Variants in SETX observed in about 807,000 individuals in gnomAD.
The protein encoded by SETX is helicase senataxin.
SETX carries 90 observed loss-of-function variants against 227.2 expected under a neutral mutation model. The observed-to-expected ratio is 0.40, with a 90% CI of 0.33 to 0.47. The LOEUF is 0.47. Among genes scored for constraint, SETX ranks in the 20% least tolerant of loss-of-function variants. The probability of loss-of-function intolerance (pLI) is 0.91; values close to 1 mark genes in which losing one functional copy is unlikely to be tolerated. For missense variants in SETX, 3,052 were observed against 3,181.5 expected (o/e 0.96, Z 0.98); for synonymous variants, 1,210 against 1,113.2 (o/e 1.09, Z -1.73).
Position 132,326,763 on chromosome 9 carries a change from T to A in SETX, c.4835A>T (p.Lys1612Ile), listed in dbSNP as rs773259680. ...AAGTGCTGAAGAAGTTTCCAAAGAT[T>A]TAGAAAGACCAGCAATTCGTGAAGT... ...KSTSRIAGLS[K>I]SLETSSALSP... is the part of the protein sequence containing the mutation. The change falls in exon 10 of 26, where the codon AAA becomes ATA. Residue 1612 changes from lysine (K) to isoleucine (I), a missense_variant. This residue lies in a region of SETX where 1,483 missense variants were observed against 1,312.0 expected (regional missense o/e 1.13). Coordinates refer to ENST00000224140, the MANE Select transcript of SETX (RefSeq NM_015046.7). The A allele has an allele frequency of 1.2e-6, 2 of 1,614,098 alleles. No individual in the cohort carries two copies. Among genetic ancestry groups the A allele is most frequent in the Admixed American group, 3.3e-5 (2 of 60,008 alleles).
chr9:132,264,692 A>G lies in SETX; in HGVS notation c.7581T>C (p.Pro2527=). The G allele has an allele frequency of 6.2e-7, 1 of 1,614,228 alleles. No homozygotes were observed. The highest frequency in any genetic ancestry group is 8.5e-7 in the Non-Finnish European group (1 of 1,180,040). Reference sequence around the variant, plus strand: ...GTTGGTCATGAACAGGAGGTCTTTCAGGGTCCTTTGAAGTAACAGTAAGAG... The same window carrying G: ...GTTGGTCATGAACAGGAGGTCTTTCGGGGTCCTTTGAAGTAACAGTAAGAG... ...EITLTVTSKD[P]ERPPVHDQLQ... The change falls in exon 26 of 26, where the codon CCT becomes CCC. Residue 2527 remains proline (P), a synonymous_variant. Coordinates refer to ENST00000224140, the MANE Select transcript of SETX (RefSeq NM_015046.7).
chr9:132,280,975 C>T (rs3780823), intron 20 of SETX, among the ~76,000 whole-genome samples: 24,682 of 152,130 alleles, frequency 0.16, 2,066 homozygotes, highest in East Asian at 0.28. Flanking sequence ...TGTATTAACA[C>T]TAGAATACCA....
At chr9:132,344,348 G>A (rs1848169649) in intron 4 of SETX, among the ~76,000 whole-genome samples, 2 of 152,044 alleles carry the variant, frequency 1.3e-5, no homozygotes, top group Admixed American at 1.3e-4. Flanking sequence ...TGAGTACCTA[G>A]GAATACAGGC....
At chr9:132,355,332 C>A (rs1848857986), upstream of SETX, among the ~76,000 whole-genome samples, 1 of 151,704 alleles carries the variant, frequency 6.6e-6, no homozygotes, top group African/African-American at 2.4e-5. Flanking sequence ...CTGGCCATTT[C>A]CGTTCCCTCT....
chr9:132,286,536 C>T (rs1213503736), intron 17 of SETX, 42 bp from the exon 18 acceptor site: 2 of 1,424,704 alleles, frequency 1.4e-6, no homozygotes, highest in South Asian at 2.3e-5. Flanking sequence ...CTAAACTAAG[C>T]ATTTTTAAAT....
At position 132,264,649 on chromosome 9, in the gene SETX, G is replaced by T; in HGVS notation, c.7624C>A (p.Leu2542Met). The change falls in exon 26 of 26, where the codon CTG becomes ATG. Residue 2542 changes from leucine (L) to methionine (M), a missense_variant. Around this residue, in one of 10 missense-constraint regions of SETX, gnomAD observed 294 missense variants for 278.8 expected, o/e 1.05. Coordinates refer to ENST00000224140, the MANE Select transcript of SETX (RefSeq NM_015046.7). ...TTGACCTCAATGCCCATCCTCTTCA[G>T]CAGTCGTGGGTCCTGAAGTTGGTCA... ...VHDQLQDPRL[L>M]KRMGIEVKGG... The T allele has an allele frequency of 6.2e-7, 1 of 1,614,226 alleles. No homozygotes were observed. Among genetic ancestry groups the T allele is most frequent in the Non-Finnish European group, 8.5e-7 (1 of 1,180,050 alleles).
intron 11 of SETX, among the ~76,000 whole-genome samples, chr9:132,304,164 C>T (rs1017448576): frequency 7.2e-5 from 11 of 152,132 alleles, no homozygotes; most frequent in Admixed American, 1.3e-4. Context: ...AAGGGTAAGA[C>T]GAGCTCAAGT....
At chr9:132,335,537 G>C (rs562728744) in intron 6 of SETX, among the ~76,000 whole-genome samples, 1 of 150,680 alleles carries the variant, frequency 6.6e-6, no homozygotes, top group East Asian at 1.9e-4. Context: ...GAGTGCAGTA[G>C]CACAATCCTA....
At position 132,264,514 on chromosome 9, in the gene SETX, T is replaced by A; in HGVS notation, c.7759A>T (p.Ile2587Leu). ...FPVVHQDLSH[I>L]QQPAAVVAAL... ...GCCACTACAGCAGCGGGCTGCTGTA[T>A]ATGGCTCAGGTCCTGGTGAACGACA... Residue 2587 changes from isoleucine to leucine, a missense_variant, in exon 26 of 26, where the codon ATA becomes TTA. Physicochemically the swap from Ile to Leu is conservative, Grantham distance 5 (BLOSUM62 2). Coordinates refer to ENST00000224140, the MANE Select transcript of SETX (RefSeq NM_015046.7). 6.2e-7 allele frequency: 1 copy of A among 1,613,728 alleles called. No individual in the cohort carries two copies. The highest frequency in any genetic ancestry group is 8.5e-7 in the Non-Finnish European group (1 of 1,179,884).
chr9:132,354,517 AAG>A (rs1848792683), intron 1 of SETX, among the ~76,000 whole-genome samples: 2 of 151,572 alleles, frequency 1.3e-5, no homozygotes, highest in Admixed American at 6.6e-5. Context: ...AAAAAGAAAA[AAG>A]AAAAAAAAAC....
chr9:132,307,055 G>A (rs1845375969), intron 11 of SETX, among the ~76,000 whole-genome samples: 1 of 152,198 alleles, frequency 6.6e-6, no homozygotes, highest in African/African-American at 2.4e-5. Context: ...AGAAGTTCAA[G>A]ACCAGCCTGG....
In SETX at chr9:132,334,796, A is replaced by C. The variant is rs1270978262; in HGVS notation, c.719-69T>G. 3 of 1,547,342 alleles carry C rather than the reference A, an allele frequency of 1.9e-6. No homozygotes were observed. The African/African-American group carries it at 4.1e-5, about 21-fold the overall frequency. On this transcript the variant is annotated intron_variant, in intron 6 of 25. Coordinates refer to ENST00000224140, the MANE Select transcript of SETX (RefSeq NM_015046.7). ...TATACTAATGCCTGGTTTAGTTTGC[A>C]AAAGAATAACAAGGCAGGAAGATGA...
chr9:132,315,617 C>G lies in SETX; in HGVS notation c.5275-3761G>C, dbSNP rs1447876065. 2.0e-5 allele frequency among the ~76,000 whole-genome samples: 3 copies of G among 152,182 alleles called. No homozygotes were observed. In the East Asian group the frequency reaches 5.8e-4, roughly 29 times the overall value. ...GTGCCCCCTTTTTCCTGCTCCCAAT[C>G]AATATGTATGTTTTCAAAACACTCC... On this transcript the variant is annotated intron_variant, in intron 10 of 25. Coordinates refer to ENST00000224140, the MANE Select transcript of SETX (RefSeq NM_015046.7).
rs1345693255 is a variant in SETX, at chr9:132,300,645, G to A, written c.5533C>T (p.Arg1845Cys). The A allele has an allele frequency of 3.1e-6, 5 of 1,613,514 alleles. No homozygotes were observed. The highest frequency in any genetic ancestry group is 1.1e-5 in the South Asian group (1 of 91,074). The change falls in exon 12 of 26, where the codon CGC (arginine) becomes TGC (cysteine). Residue 1845 changes from arginine (R) to cysteine (C), a missense_variant. By Grantham distance (180) the Arg-to-Cys change is radical. Coordinates refer to ENST00000224140, the MANE Select transcript of SETX (RefSeq NM_015046.7). ...EYHSGYVHKF[R>C]RTSVMRNGKT... ...ATTTACTTACTGACTGACGTGCGGC[G>A]AAATTTATGAACATAACCAGAATGA...
At position 132,281,472 on chromosome 9, in the gene SETX, A is replaced by C. The variant is rs1454145729; in HGVS notation, c.6649T>G (p.Ser2217Ala). ...TCTGAACATAAAAAACTTACCATAG[A>C]GATGACTGTCGGAGGGAGCTGCTTA... The part of the protein sequence containing the change: ...DPKQLPPTVI[S>A]MKAQEYGYDQ... The change falls in exon 20 of 26, where the codon TCT becomes GCT. Residue 2217 changes from serine to alanine, a missense_variant. Physicochemically the swap from Ser to Ala is moderately conservative, Grantham distance 99. Around this residue, in one of 10 missense-constraint regions of SETX, gnomAD observed 412 missense variants for 589.0 expected, o/e 0.70. Transcript: ENST00000224140. 1 of 1,610,994 alleles carries C rather than the reference A, an allele frequency of 6.2e-7. No homozygotes were observed. Among genetic ancestry groups the C allele is most frequent in the South Asian group, 1.1e-5 (1 of 91,014 alleles).
At chr9:132,278,614 C>A (rs907028345) in intron 20 of SETX, among the ~76,000 whole-genome samples, 1 of 151,880 alleles carries the variant, frequency 6.6e-6, no homozygotes, top group Non-Finnish European at 1.5e-5. Context: ...AGCCACCACA[C>A]CTGGCCAAAA....
chr9:132,268,941 C>T (rs1269630664), intron 25 of SETX, among the ~76,000 whole-genome samples: 1 of 152,124 alleles, frequency 6.6e-6, no homozygotes, highest in Non-Finnish European at 1.5e-5. Flanking sequence ...GAACCAAAAC[C>T]AGGGGAAACA....
intron 18 of SETX, among the ~76,000 whole-genome samples, chr9:132,285,967 G>A (rs1843852042): frequency 6.8e-6 from 1 of 146,504 alleles, no homozygotes; most frequent in African/African-American, 2.6e-5. Context: ...GGAGGATCAT[G>A]ACGTCAAGAG....
At position 132,262,796 on chromosome 9, in the gene SETX, A is replaced by C. The variant is rs1842461794; in HGVS notation, c.*1443T>G. 6.6e-6 allele frequency: 1 copy of C among 152,534 alleles called. No homozygotes were observed. Among genetic ancestry groups the C allele is most frequent in the African/African-American group, 2.4e-5 (1 of 41,450 alleles). The allele number at this position is 152,534 out of a possible 1,614,324, so 9.4% of individuals were successfully genotyped here. A position where few individuals can be genotyped will look rare whatever the true frequency, so the allele number is the denominator to read the frequency against. On this transcript the variant is annotated 3_prime_UTR_variant, in exon 26 of 26. Coordinates refer to ENST00000224140, the MANE Select transcript of SETX (RefSeq NM_015046.7). ...TTGCTTAAAAAGCAGATGACAAAGG[A>C]AATGTCAAATAATGCACATGAATCT...
Sources: gnomAD v4.1 joint callset for allele counts (sites outside exome capture counted in the v4.1 genomes callset) on GRCh38, gnomAD v4.1.1 for gene constraint, gnomAD v4.1.1 regional missense constraint, MANE v1.5 for transcripts, NCBI Gene and HGNC (gene_info 2026-07-23, HGNC 2026-07-21) for gene names.